MAML3: variants seen among roughly 807,000 people sequenced by gnomAD.
The protein encoded by MAML3 is mastermind-like protein 3.
A neutral mutation model predicts 101.9 loss-of-function variants in MAML3; 27 were observed. The observed-to-expected ratio is 0.27, with a 90% CI of 0.20 to 0.37. The LOEUF (loss-of-function observed/expected upper bound fraction) is 0.37. Ranked by LOEUF, MAML3 falls within the 10% of genes least tolerant of loss-of-function variation. The pLI is 1.00. For synonymous variants in MAML3, 501 were observed against 555.9 expected, an observed-to-expected ratio of 0.90 and a Z score of 1.39; for missense variants, 1,316 against 1,444.9, an observed-to-expected ratio of 0.91 and a Z score of 1.45.
intron 1 of MAML3, among the ~76,000 whole-genome samples, chr4:140,094,104 G>A (rs1040089957): frequency 1.3e-5 from 2 of 152,156 alleles, no homozygotes; most frequent in African/African-American, 2.4e-5. Flanking sequence ...GCCTGATGAC[G>A]TAACAGGTCC....
intron 2 of MAML3, among the ~76,000 whole-genome samples, chr4:139,854,749 T>C (rs1731624734): frequency 6.6e-6 from 1 of 152,182 alleles, no homozygotes; most frequent in Non-Finnish European, 1.5e-5. Context: ...TGAGTGCTAG[T>C]GCAGGAGGAA....
chr4:140,086,389 C>A (rs1470824063), intron 1 of MAML3, among the ~76,000 whole-genome samples: 1 of 152,180 alleles, frequency 6.6e-6, no homozygotes, highest in Non-Finnish European at 1.5e-5. Flanking sequence ...TTTTGTCCCA[C>A]AATAGAGTTA....
intron 1 of MAML3, among the ~76,000 whole-genome samples, chr4:140,028,619 TTTAA>T (rs1200033664): frequency 6.6e-6 from 1 of 152,198 alleles, no homozygotes; most frequent in East Asian, 1.9e-4. Context: ...TTCATTACTG[TTTAA>T]TTATCCTTAT....
At chr4:140,061,999 C>T (rs958250332) in intron 1 of MAML3, among the ~76,000 whole-genome samples, 4 of 152,142 alleles carry the variant, frequency 2.6e-5, no homozygotes, top group Non-Finnish European at 2.9e-5. Context: ...CAATCCCCAA[C>T]ACAAATACCT....
chr4:139,773,044 C>T (rs963044904), intron 2 of MAML3, among the ~76,000 whole-genome samples: 1 of 151,854 alleles, frequency 6.6e-6, no homozygotes, highest in Admixed American at 6.6e-5. Flanking sequence ...TCAAGTATTA[C>T]ATTTTAAAAA....
intron 1 of MAML3, among the ~76,000 whole-genome samples, chr4:139,905,352 T>TG (rs1371487931): frequency 2.0e-5 from 3 of 151,392 alleles, no homozygotes; most frequent in Non-Finnish European, 2.9e-5. Flanking sequence ...ATTAGCTGGG[T>TG]GTGGTGGTGG....
chr4:140,078,994 G>A (rs752969592), intron 1 of MAML3, among the ~76,000 whole-genome samples: 21 of 152,120 alleles, frequency 1.4e-4, no homozygotes, highest in African/African-American at 4.6e-4. Flanking sequence ...GAAAAACCTC[G>A]CAGGTCTCTG....
intron 2 of MAML3, among the ~76,000 whole-genome samples, chr4:139,819,795 A>G (rs537406821): frequency 6.6e-6 from 1 of 152,356 alleles, no homozygotes; most frequent in South Asian, 2.1e-4. Flanking sequence ...ACTTTCTTTA[A>G]CTGACCATGA....
At chr4:140,099,386 T>C (rs184076920) in intron 1 of MAML3, among the ~76,000 whole-genome samples, 1,662 of 152,128 alleles carry the variant, frequency 0.011, 39 homozygotes, top group African/African-American at 0.038. Context: ...AGCTATTTTC[T>C]TTTTTTTCTT....
chr4:139,797,313 A>G (rs1730528569), intron 2 of MAML3, among the ~76,000 whole-genome samples: 1 of 152,204 alleles, frequency 6.6e-6, no homozygotes, highest in South Asian at 2.1e-4. Context: ...GTCATGCTAC[A>G]TATAGGATGT....
At chr4:140,075,765 G>T (rs1411019936) in intron 1 of MAML3, among the ~76,000 whole-genome samples, 1 of 148,712 alleles carries the variant, frequency 6.7e-6, no homozygotes, top group Non-Finnish European at 1.5e-5. Context: ...CTTTTTTGGG[G>T]GTGGGGGCGG....
chr4:139,810,063 C>A (rs1163419321), intron 2 of MAML3, among the ~76,000 whole-genome samples: 2 of 151,538 alleles, frequency 1.3e-5, no homozygotes, highest in Admixed American at 1.3e-4. Flanking sequence ...GTAAAATCAT[C>A]TTTATAGTCT....
chr4:140,121,060 G>A (rs899859527), intron 1 of MAML3, among the ~76,000 whole-genome samples: 5 of 152,158 alleles, frequency 3.3e-5, no homozygotes, highest in African/African-American at 1.2e-4. Flanking sequence ...TTCTGCCAGT[G>A]GATATGCTGC....
intron 2 of MAML3, among the ~76,000 whole-genome samples, chr4:139,763,633 G>T (rs1729799485): frequency 6.6e-6 from 1 of 152,122 alleles, no homozygotes; most frequent in African/African-American, 2.4e-5. Context: ...TCATGTTGAT[G>T]CTGCCCCTGT....
At chr4:140,101,850 A>ATT (rs199963434) in intron 1 of MAML3, among the ~76,000 whole-genome samples, 1 of 140,862 alleles carries the variant, frequency 7.1e-6, no homozygotes, top group African/African-American at 2.6e-5. Context: ...TCAGCTGAGC[A>ATT]TTTTTTTTTT....
chr4:139,856,297 A>G (rs1731661157), intron 2 of MAML3, among the ~76,000 whole-genome samples: 2 of 152,214 alleles, frequency 1.3e-5, no homozygotes, highest in African/African-American at 2.4e-5. Flanking sequence ...AATAAGATGA[A>G]TTTAACTTGT....
chr4:140,141,961 T>A (rs1728986124), intron 1 of MAML3, among the ~76,000 whole-genome samples: 1 of 152,216 alleles, frequency 6.6e-6, no homozygotes, highest in Admixed American at 6.5e-5. Context: ...AATGCTCACA[T>A]ATGTACAAGG....
intron 1 of MAML3, among the ~76,000 whole-genome samples, chr4:139,999,434 G>A (rs1456895621): frequency 6.6e-6 from 1 of 152,214 alleles, no homozygotes; most frequent in African/African-American, 2.4e-5. Flanking sequence ...GATTCCCACT[G>A]TTCTAACAAA....
At chr4:139,830,641 C>A (rs1453335668) in intron 2 of MAML3, among the ~76,000 whole-genome samples, 2 of 152,002 alleles carry the variant, frequency 1.3e-5, no homozygotes. Flanking sequence ...ATGTCGATCT[C>A]CTGACCTCGT....
Sources: gnomAD v4.1 joint callset for allele counts (sites outside exome capture counted in the v4.1 genomes callset) on GRCh38, gnomAD v4.1.1 for gene constraint, MANE v1.5 for transcripts, NCBI Gene and HGNC (gene_info 2026-07-23, HGNC 2026-07-21) for gene names.